Variants in EXOC4 observed in about 807,000 individuals in gnomAD.
The protein encoded by EXOC4 is exocyst complex component 4, also known as SEC8-like 1.
In EXOC4, 71 loss-of-function variants were observed where a neutral mutation model predicts 107.2. The observed-to-expected ratio is 0.66, with a 90% CI of 0.55 to 0.81. The LOEUF (loss-of-function observed/expected upper bound fraction) is 0.81, where lower values mean the gene tolerates loss of function less well. Ranked by LOEUF, EXOC4 falls within the 30% of genes least tolerant of loss-of-function variation. The pLI, the probability that EXOC4 is intolerant of heterozygous loss-of-function variation, is 0.00. For missense variants in EXOC4, 1,108 were observed against 1,189.6 expected, an observed-to-expected ratio of 0.93 and a Z score of 1.01; for synonymous variants, 456 against 441.2, an observed-to-expected ratio of 1.03 and a Z score of -0.42.
At chr7:133,312,101 A>G (rs893312346) in intron 4 of EXOC4, among the ~76,000 whole-genome samples, 4 of 152,178 alleles carry the variant, frequency 2.6e-5, no homozygotes, top group Admixed American at 6.5e-5. Flanking sequence ...AATATATGTA[A>G]CAAGATATTC....
At chr7:133,575,767 A>G (rs1801114403) in intron 9 of EXOC4, among the ~76,000 whole-genome samples, 1 of 152,200 alleles carries the variant, frequency 6.6e-6, no homozygotes, top group African/African-American at 2.4e-5. Context: ...ATGAGTGGTT[A>G]TAACATTTCT....
At chr7:133,255,833 T>G (rs1001128896) in intron 1 of EXOC4, among the ~76,000 whole-genome samples, 3 of 152,106 alleles carry the variant, frequency 2.0e-5, no homozygotes, top group Non-Finnish European at 4.4e-5. Flanking sequence ...GGATGGGGAA[T>G]GGGGGGAGAG....
chr7:133,767,948 G>A (rs778582116), intron 10 of EXOC4: 21 of 151,910 alleles, frequency 1.4e-4, no homozygotes, highest in Non-Finnish European at 2.2e-4. Flanking sequence ...GTAGTTTTAG[G>A]GCAATATGCA....
chr7:134,088,449 G>T, the EXOC4 span, among the ~76,000 whole-genome samples: 1 of 152,118 alleles, frequency 6.6e-6, no homozygotes, highest in Admixed American at 6.6e-5. Flanking sequence ...TAGCTTAAAA[G>T]AATTGTTTTC....
At chr7:133,905,862 A>T (rs1799553495) in intron 12 of EXOC4, among the ~76,000 whole-genome samples, 2 of 152,144 alleles carry the variant, frequency 1.3e-5, no homozygotes, top group African/African-American at 4.8e-5. Flanking sequence ...GCACTCGCTG[A>T]TGGCAGACAT....
intron 10 of EXOC4, among the ~76,000 whole-genome samples, chr7:133,718,305 G>A (rs1795038750): frequency 6.6e-6 from 1 of 152,194 alleles, no homozygotes; most frequent in African/African-American, 2.4e-5. Context: ...GGGGAATACA[G>A]AGGCTACTTA....
intron 3 of EXOC4, among the ~76,000 whole-genome samples, chr7:133,299,485 A>G (rs1490341424): frequency 6.6e-6 from 1 of 152,196 alleles, no homozygotes; most frequent in African/African-American, 2.4e-5. Context: ...AAGGGGGAAA[A>G]ACAAAAAACT....
chr7:133,772,941 T>C (rs1423165362), intron 10 of EXOC4, among the ~76,000 whole-genome samples: 2 of 151,994 alleles, frequency 1.3e-5, no homozygotes, highest in Non-Finnish European at 1.5e-5. Flanking sequence ...GTCTGTAAAA[T>C]GGACATAGGA....
chr7:133,555,188 A>G (rs1007387482), intron 9 of EXOC4, among the ~76,000 whole-genome samples: 1 of 152,226 alleles, frequency 6.6e-6, no homozygotes, highest in Non-Finnish European at 1.5e-5. Flanking sequence ...AACTAGTAAT[A>G]TTAAAATACC....
intron 5 of EXOC4, among the ~76,000 whole-genome samples, chr7:133,344,540 C>T (rs1741640974): frequency 6.6e-6 from 1 of 152,156 alleles, no homozygotes; most frequent in Admixed American, 6.5e-5. Flanking sequence ...GCTGTCTTGT[C>T]ATCGGGTAGG....
chr7:133,689,377 C>G (rs1562908846), intron 10 of EXOC4, among the ~76,000 whole-genome samples: 1 of 152,106 alleles, frequency 6.6e-6, no homozygotes, highest in East Asian at 1.9e-4. Flanking sequence ...AGGGGGGCTA[C>G]TACAATGGGG....
intron 9 of EXOC4, among the ~76,000 whole-genome samples, chr7:133,498,714 G>A (rs1273216000): frequency 6.6e-6 from 1 of 152,304 alleles, no homozygotes; most frequent in East Asian, 1.9e-4. Context: ...ACCAGAACTA[G>A]AGTGAGTTAA....
chr7:133,364,265 G>A lies in EXOC4; in HGVS notation c.1007+7692G>A, dbSNP rs561144745. The stretch of plus-strand genomic sequence containing the variant: ...CCTGCTTTAGCCTCCTGAGTAGTTG[G>A]GACTACAGTTATATGACACGATGCC... On this transcript the variant is annotated intron_variant, in intron 6 of 17. Transcript: ENST00000253861. 5.9e-5 allele frequency among the ~76,000 whole-genome samples: 9 copies of A among 151,894 alleles called. No individual in the cohort carries two copies. The South Asian group carries it at 1.9e-3, about 32-fold the overall frequency.
chr7:133,512,684 A>G (rs1030352439), intron 9 of EXOC4, among the ~76,000 whole-genome samples: 27 of 152,070 alleles, frequency 1.8e-4, no homozygotes, highest in African/African-American at 6.5e-4. Flanking sequence ...ACAAAAACAA[A>G]CTGGAGAGTT....
chr7:133,297,464 C>A (rs1355459494), intron 3 of EXOC4, among the ~76,000 whole-genome samples: 1 of 152,056 alleles, frequency 6.6e-6, no homozygotes, highest in Non-Finnish European at 1.5e-5. Flanking sequence ...ATAGTGGAAA[C>A]AAAGTGGATT....
intron 10 of EXOC4, among the ~76,000 whole-genome samples, chr7:133,785,938 G>C (rs1207065160): frequency 6.6e-6 from 1 of 152,214 alleles, no homozygotes; most frequent in Non-Finnish European, 1.5e-5. Context: ...CAAAGTGCTG[G>C]GATCACAGGC....
chr7:133,520,547 T>C (rs894064235), intron 9 of EXOC4, among the ~76,000 whole-genome samples: 4 of 152,276 alleles, frequency 2.6e-5, no homozygotes, highest in Admixed American at 2.6e-4. Flanking sequence ...ACATTAACTT[T>C]CTTGGTGGAA....
intron 11 of EXOC4, among the ~76,000 whole-genome samples, chr7:133,879,816 G>A (rs1408347812): frequency 6.6e-6 from 1 of 152,038 alleles, no homozygotes; most frequent in Non-Finnish European, 1.5e-5. Context: ...TAGATAATAA[G>A]GTTTGTTTTC....
rs73443040 is a variant in EXOC4, at chr7:133,444,030, G to A, written c.1183-31298G>A. ...TATTCTCTTGGGTCAGGAGACCTGT[G>A]TGTACTGATATCCTGGCCCAAAAGG... On this transcript the variant is annotated intron_variant, in intron 7 of 17. Coordinates refer to ENST00000253861, the MANE Select transcript of EXOC4 (RefSeq NM_021807.4). 2.8e-3 allele frequency among the ~76,000 whole-genome samples: 423 copies of A among 152,294 alleles called. 2 individuals are homozygous for A. Among genetic ancestry groups the A allele is most frequent in the African/African-American group, 9.8e-3 (409 of 41,564 alleles).
Sources: gnomAD v4.1 joint callset for allele counts (sites outside exome capture counted in the v4.1 genomes callset) on GRCh38, gnomAD v4.1.1 for gene constraint, MANE v1.5 for transcripts, NCBI Gene and HGNC (gene_info 2026-07-23, HGNC 2026-07-21) for gene names.